CCDC178: variants seen among roughly 807,000 people sequenced by gnomAD.
The protein encoded by CCDC178 is coiled-coil domain containing 178.
In CCDC178, 126 loss-of-function variants were observed where a neutral mutation model predicts 117.4. The observed-to-expected ratio is 1.07, with a 90% CI of 0.93 to 1.24. CCDC178 has a LOEUF of 1.24. CCDC178 is among the 50% of genes most tolerant of loss of function. The pLI, the probability that CCDC178 is intolerant of heterozygous loss-of-function variation, is 0.00. For missense variants in CCDC178, 1,030 were observed against 986.9 expected (o/e 1.04, Z -0.59); for synonymous variants, 283 against 313.4 (o/e 0.90, Z 1.02).
In CCDC178 at chr18:33,424,376, T is replaced by C. The variant is rs562600244; in HGVS notation, c.-22-12266A>G. Among the ~76,000 whole-genome samples the C allele has an allele frequency of 7.2e-5, 11 of 152,278 alleles. No homozygotes were observed. The South Asian group carries it at 1.4e-3, about 20-fold the overall frequency. On this transcript the variant is annotated intron_variant, in intron 2 of 22. Coordinates refer to ENST00000383096, the MANE Select transcript of CCDC178 (RefSeq NM_001105528.4). ...GAAATTTTGAACTCACTTAATGTCA[T>C]AGTGTAAGGTACGTGGATGTGCCTT...
intron 21 of CCDC178, among the ~76,000 whole-genome samples, chr18:32,988,952 G>T (rs796573482): frequency 6.6e-6 from 1 of 152,050 alleles, no homozygotes; most frequent in Non-Finnish European, 1.5e-5. Flanking sequence ...AATTACTAAA[G>T]AAATTGTATT....
chr18:33,243,161 A>C (rs913367730), intron 15 of CCDC178, among the ~76,000 whole-genome samples: 3 of 151,970 alleles, frequency 2.0e-5, no homozygotes. Context: ...AGAAAGTTAA[A>C]TACTACATAA....
chr18:33,354,892 G>C (rs907410737), intron 7 of CCDC178, among the ~76,000 whole-genome samples: 2 of 152,112 alleles, frequency 1.3e-5, no homozygotes, highest in African/African-American at 4.8e-5. Context: ...TTACAGGCAT[G>C]AGCCACCGCA....
At chr18:33,349,722 A>G (rs542115470) in intron 7 of CCDC178, among the ~76,000 whole-genome samples, 1 of 152,034 alleles carries the variant, frequency 6.6e-6, no homozygotes, top group South Asian at 2.1e-4. Flanking sequence ...TGAAATTTTC[A>G]TTACATTATT....
At chr18:33,397,077 A>G in intron 4 of CCDC178, 72 bp downstream of exon 4, 5 of 959,364 alleles carry the variant, frequency 5.2e-6, no homozygotes, top group Non-Finnish European at 8.1e-6. Flanking sequence ...TTTCATGCTT[A>G]TAATTTTTTG....
At position 33,035,055 on chromosome 18, in the gene CCDC178, G is replaced by A. The variant is rs372979653; in HGVS notation, c.2388+57706C>T. Among the ~76,000 whole-genome samples the A allele has an allele frequency of 5.9e-5, 9 of 152,028 alleles. No individual in the cohort carries two copies. The East Asian group carries it at 1.2e-3, about 20-fold the overall frequency. On this transcript the variant is annotated intron_variant, in intron 21 of 22. Transcript: ENST00000383096. ...ATGTTTATTTAAGGTCAGCTGTTTGGGAGTGTATGAGTAGAAATGAAGTAG... is the reference window on the plus strand; with the variant it reads ...ATGTTTATTTAAGGTCAGCTGTTTGAGAGTGTATGAGTAGAAATGAAGTAG...
intron 15 of CCDC178, among the ~76,000 whole-genome samples, chr18:33,234,420 GAAA>G (rs2059403543): frequency 6.6e-6 from 1 of 151,724 alleles, no homozygotes. Context: ...GAAGACCAAT[GAAA>G]CAAGCAAAAA....
rs145205907 is a variant in CCDC178, at chr18:33,089,056, T to C, written c.2388+3705A>G. Among the ~76,000 whole-genome samples, 220 of 152,198 alleles carry C rather than the reference T, an allele frequency of 1.4e-3. 2 individuals are homozygous for C. Among genetic ancestry groups the C allele is most frequent in the African/African-American group, 5.1e-3 (214 of 41,572 alleles). ...ACCTACCTAAAATCCCTATGAAAATTAAATCTCCTCCAAATAAACAGGTGG... is the reference window on the plus strand; with the variant it reads ...ACCTACCTAAAATCCCTATGAAAATCAAATCTCCTCCAAATAAACAGGTGG... On this transcript the variant is annotated intron_variant, in intron 21 of 22. Transcript: ENST00000383096.
chr18:33,280,150 T>C (rs1008445824), intron 12 of CCDC178, among the ~76,000 whole-genome samples: 5 of 151,436 alleles, frequency 3.3e-5, no homozygotes, highest in Non-Finnish European at 5.9e-5. Flanking sequence ...GAAACTACCA[T>C]CAGAGTGCAC....
At chr18:33,100,950 T>A (rs1283671531) in intron 20 of CCDC178, among the ~76,000 whole-genome samples, 2 of 151,960 alleles carry the variant, frequency 1.3e-5, no homozygotes. Context: ...CTAATCTATA[T>A]CCCCAATGAT....
At chr18:33,059,753 GTCCA>G (rs952148470) in intron 21 of CCDC178, among the ~76,000 whole-genome samples, 3 of 152,088 alleles carry the variant, frequency 2.0e-5, no homozygotes, top group African/African-American at 7.2e-5. Flanking sequence ...TCTGCCTCCA[GTCCA>G]AATCTTGCAG....
At chr18:32,993,060 C>T (rs548743305) in intron 21 of CCDC178, among the ~76,000 whole-genome samples, 1 of 151,840 alleles carries the variant, frequency 6.6e-6, no homozygotes, top group Non-Finnish European at 1.5e-5. Context: ...CAGCTACTCT[C>T]GAGGCTGAGT....
intron 7 of CCDC178, among the ~76,000 whole-genome samples, chr18:33,354,822 C>T (rs749091554): frequency 1.4e-4 from 21 of 152,196 alleles, no homozygotes; most frequent in Non-Finnish European, 2.4e-4. Context: ...ACCATATTGG[C>T]CAGGCTGGTC....
chr18:33,341,122 T>TA (rs768749075), intron 9 of CCDC178, among the ~76,000 whole-genome samples: 8 of 152,182 alleles, frequency 5.3e-5, no homozygotes, highest in Admixed American at 2.0e-4. Context: ...ACCTACCTCT[T>TA]ACATCAGCAT....
intron 9 of CCDC178, among the ~76,000 whole-genome samples, chr18:33,341,365 T>A (rs369198600): frequency 2.4e-4 from 36 of 152,308 alleles, no homozygotes; most frequent in African/African-American, 8.2e-4. Context: ...TTGTCTCAGA[T>A]GAGACTTTGA....
intron 12 of CCDC178, among the ~76,000 whole-genome samples, chr18:33,282,796 G>A (rs1210026868): frequency 1.3e-5 from 2 of 152,106 alleles, no homozygotes; most frequent in Non-Finnish European, 2.9e-5. Flanking sequence ...AGAGAACCTC[G>A]GAGGGCCCAG....
rs148122042 is a variant in CCDC178 at position 33,001,369 on chromosome 18, C to T, written c.2389-26688G>A. ...CCCTACTAAAATACAAAAAATTAGC[C>T]GGATGTGGTGGTGGGTGCCTGTAGT... On this transcript the variant is annotated intron_variant, in intron 21 of 22. Transcript: ENST00000383096. Among the ~76,000 whole-genome samples the T allele has an allele frequency of 8.3e-3, 1,260 of 151,524 alleles. 6 individuals carry two copies. The highest frequency in any genetic ancestry group is 0.014 in the Non-Finnish European group (922 of 67,914).
intron 20 of CCDC178, among the ~76,000 whole-genome samples, chr18:33,099,376 C>T (rs998084181): frequency 6.6e-6 from 1 of 151,950 alleles, no homozygotes; most frequent in East Asian, 1.9e-4. Context: ...CTGCCCTTCT[C>T]GAGCACTGGA....
At chr18:33,099,150 G>A (rs914756925) in intron 20 of CCDC178, among the ~76,000 whole-genome samples, 2 of 152,018 alleles carry the variant, frequency 1.3e-5, no homozygotes, top group Admixed American at 6.6e-5. Context: ...AAGGTTAAAT[G>A]TTCTGCTGTC....
Sources: allele counts gnomAD v4.1 joint callset (sites outside exome capture counted in the v4.1 genomes callset), GRCh38; gene constraint gnomAD v4.1.1; transcripts MANE v1.5; gene names NCBI Gene and HGNC (gene_info 2026-07-23, HGNC 2026-07-21).